Variants in PARD3 observed in about 807,000 individuals in gnomAD.
PARD3 encodes the protein partitioning defective 3 homolog.
PARD3 carries 75 observed loss-of-function variants against 155.4 expected under a neutral mutation model. That is an observed-to-expected ratio of 0.48 (90% CI 0.40 to 0.58). The LOEUF (loss-of-function observed/expected upper bound fraction) is 0.58, where lower values mean the gene tolerates loss of function less well. PARD3 is among the 20% of genes least tolerant of loss of function. PARD3 has a pLI of 0.00. For synonymous variants in PARD3, 576 were observed against 610.5 expected (o/e 0.94, Z 0.83); for missense variants, 1,642 against 1,721.7 (o/e 0.95, Z 0.82).
chr10:34,722,799 A>G (rs2094629499), intron 1 of PARD3, among the ~76,000 whole-genome samples: 1 of 152,248 alleles, frequency 6.6e-6, no homozygotes, highest in Admixed American at 6.5e-5. Flanking sequence ...AGAAGGCAGG[A>G]TATTAGTTTA....
At chr10:34,634,029 C>T (rs1284138684) in intron 2 of PARD3, among the ~76,000 whole-genome samples, 2 of 152,158 alleles carry the variant, frequency 1.3e-5, no homozygotes, top group African/African-American at 4.8e-5. Context: ...CTGACCTGTC[C>T]CTTTCTTATT....
At chr10:34,632,895 T>A (rs2092326987) in intron 2 of PARD3, among the ~76,000 whole-genome samples, 1 of 152,088 alleles carries the variant, frequency 6.6e-6, no homozygotes, top group Non-Finnish European at 1.5e-5. Flanking sequence ...TTAACAGAGC[T>A]CCAGTGGCCA....
chr10:34,800,337 G>A (rs757195388), intron 1 of PARD3, among the ~76,000 whole-genome samples: 2 of 151,954 alleles, frequency 1.3e-5, no homozygotes, highest in African/African-American at 2.4e-5. Flanking sequence ...GGCCAGGCAC[G>A]GTGGCTCAGG....
intron 3 of PARD3, among the ~76,000 whole-genome samples, chr10:34,494,566 T>C (rs1036610339): frequency 2.6e-5 from 4 of 152,164 alleles, no homozygotes; most frequent in African/African-American, 7.2e-5. Flanking sequence ...GCAGGTCCAG[T>C]GCCTCCAAAC....
At chr10:34,797,035 T>G (rs562038658) in intron 1 of PARD3, among the ~76,000 whole-genome samples, 1 of 152,180 alleles carries the variant, frequency 6.6e-6, no homozygotes, top group Non-Finnish European at 1.5e-5. Flanking sequence ...ATAAAAATTG[T>G]CAGACCCATG....
intron 22 of PARD3, among the ~76,000 whole-genome samples, chr10:34,234,398 A>G (rs959649238): frequency 6.6e-6 from 1 of 152,208 alleles, no homozygotes; most frequent in Non-Finnish European, 1.5e-5. Flanking sequence ...TTGCCTCGGT[A>G]GGTTCATCTG....
chr10:34,240,071 G>A (rs577320424), intron 22 of PARD3, among the ~76,000 whole-genome samples: 13 of 152,216 alleles, frequency 8.5e-5, no homozygotes, highest in African/African-American at 2.4e-4. Context: ...TATGACCCCC[G>A]TCTAATTCCT....
intron 2 of PARD3, among the ~76,000 whole-genome samples, chr10:34,578,124 T>C (rs576801139): frequency 6.6e-6 from 1 of 152,134 alleles, no homozygotes; most frequent in East Asian, 1.9e-4. Context: ...ATCCTGCTGC[T>C]TCAGCCTCCC....
chr10:34,291,920 A>G (rs1434922784), intron 20 of PARD3, among the ~76,000 whole-genome samples: 1 of 152,204 alleles, frequency 6.6e-6, no homozygotes, highest in Non-Finnish European at 1.5e-5. Flanking sequence ...TTGCCGGTGG[A>G]AATTAGGTCC....
chr10:34,269,970 A>C, intron 21 of PARD3, 71 bp from the exon 22 acceptor site: 1 of 1,409,398 alleles, frequency 7.1e-7, no homozygotes, highest in Non-Finnish European at 9.8e-7. Flanking sequence ...AGAAACATTC[A>C]TCAAAATATG....
chr10:34,352,548 T>C (rs1292827814), intron 14 of PARD3, among the ~76,000 whole-genome samples: 1 of 152,378 alleles, frequency 6.6e-6, no homozygotes, highest in East Asian at 1.9e-4. Flanking sequence ...GGTTTCGCCA[T>C]GTTGGCGGGG....
At chr10:34,657,781 C>T (rs984452822) in intron 2 of PARD3, among the ~76,000 whole-genome samples, 3 of 152,084 alleles carry the variant, frequency 2.0e-5, no homozygotes, top group East Asian at 2.0e-4. Flanking sequence ...TCAGGTGATC[C>T]GCCTGCCTGG....
intron 1 of PARD3, among the ~76,000 whole-genome samples, chr10:34,812,911 C>T (rs182060980): frequency 1.2e-3 from 185 of 152,306 alleles, no homozygotes; most frequent in Non-Finnish European, 2.0e-3. Flanking sequence ...TTAATAAGGA[C>T]CAGGTCCGTG....
At position 34,657,949 on chromosome 10, in the gene PARD3, G is replaced by T. The variant is rs1224631625; in HGVS notation, c.222+38369C>A. Among the ~76,000 whole-genome samples, 3 of 152,126 alleles carry T rather than the reference G, an allele frequency of 2.0e-5. No homozygotes were observed. In the South Asian group the frequency reaches 6.2e-4, roughly 32 times the overall value. ...ATCACGAGGTCAGGAGATCGAGACT[G>T]TCCTAGCTAACACAGTGAAACCCTG... On this transcript the variant is annotated intron_variant, in intron 2 of 24. Transcript: ENST00000374788.
intron 7 of PARD3, among the ~76,000 whole-genome samples, chr10:34,397,061 C>T (rs1277684876): frequency 6.6e-6 from 1 of 152,216 alleles, no homozygotes; most frequent in Non-Finnish European, 1.5e-5. Context: ...GGAGGAAGAA[C>T]ATATTCCGTT....
intron 20 of PARD3, among the ~76,000 whole-genome samples, chr10:34,314,638 C>T (rs1489414085): frequency 6.6e-6 from 1 of 152,166 alleles, no homozygotes; most frequent in Admixed American, 6.5e-5. Context: ...GGTGTAAACA[C>T]TGCCACCATG....
rs757021288 is a variant in PARD3, at chr10:34,470,153, G to A, written c.514C>T (p.Arg172Cys). Reference sequence around the variant, plus strand: ...AGGAAGCCAGCTGTTGTTGACCAGCGTGTGGGATTTTTCCTTGAAGGCTCT... The same window carrying A: ...AGGAAGCCAGCTGTTGTTGACCAGCATGTGGGATTTTTCCTTGAAGGCTCT... ...SEEPSRKNPTRWSTTAGFLKQ... is the reference protein window; with the variant it reads ...SEEPSRKNPTCWSTTAGFLKQ... Residue 172 changes from arginine to cysteine, a missense_variant, in exon 4 of 25, where the codon CGC becomes TGC. Coordinates refer to ENST00000374788, the MANE Select transcript of PARD3 (RefSeq NM_001184785.2). 18 of 1,613,298 alleles carry A rather than the reference G, an allele frequency of 1.1e-5. No homozygotes were observed. The highest frequency in any genetic ancestry group is 2.2e-5 in the South Asian group (2 of 90,798).
At chr10:34,142,357 C>CAGAG (rs1948232134) in intron 22 of PARD3, among the ~76,000 whole-genome samples, 4 of 151,496 alleles carry the variant, frequency 2.6e-5, no homozygotes, top group Non-Finnish European at 4.4e-5. Context: ...GCCTGGGCAA[C>CAGAG]ATCGCAAGAC....
intron 5 of PARD3, among the ~76,000 whole-genome samples, chr10:34,447,256 T>G (rs1288796474): frequency 6.6e-6 from 1 of 151,130 alleles, no homozygotes; most frequent in Non-Finnish European, 1.5e-5. Flanking sequence ...GAGGCAGGTG[T>G]ATCACTTGAG....
Sources: gnomAD v4.1 joint callset for allele counts (sites outside exome capture counted in the v4.1 genomes callset) on GRCh38, gnomAD v4.1.1 for gene constraint, MANE v1.5 for transcripts, NCBI Gene and HGNC (gene_info 2026-07-23, HGNC 2026-07-21) for gene names.